SEC24D: variants seen among roughly 807,000 people sequenced by gnomAD.
SEC24D encodes SEC24 homolog D, COPII component.
SEC24D carries 69 observed loss-of-function variants against 116.9 expected under a neutral mutation model. The ratio of observed to expected loss-of-function variants is 0.59; its 90% CI spans 0.49 to 0.72. The LOEUF (loss-of-function observed/expected upper bound fraction) is 0.72. SEC24D is among the 30% of genes least tolerant of loss of function. SEC24D has a pLI of 0.00. For synonymous variants in SEC24D, 405 were observed against 442.8 expected (o/e 0.91, Z 1.07); for missense variants, 1,131 against 1,264.1 (o/e 0.89, Z 1.60).
intron 8 of SEC24D, among the ~76,000 whole-genome samples, chr4:118,795,672 T>C (rs925343354): frequency 6.6e-6 from 1 of 152,256 alleles, no homozygotes; most frequent in Admixed American, 6.5e-5. Flanking sequence ...GAGCATACTT[T>C]ATCATTCTAT....
At chr4:118,749,547 C>T (rs1726721562) in intron 13 of SEC24D, among the ~76,000 whole-genome samples, 1 of 152,164 alleles carries the variant, frequency 6.6e-6, no homozygotes, top group Admixed American at 6.6e-5. Context: ...CATTTCTACT[C>T]CCTGTGCACA....
intron 8 of SEC24D, among the ~76,000 whole-genome samples, chr4:118,792,947 T>G (rs1728998375): frequency 1.3e-5 from 2 of 152,202 alleles, no homozygotes; most frequent in African/African-American, 4.8e-5. Flanking sequence ...AAATTTTGAC[T>G]GTTATTATTC....
chr4:118,788,800 T>A (rs1022406181), intron 8 of SEC24D, among the ~76,000 whole-genome samples: 7 of 152,176 alleles, frequency 4.6e-5, no homozygotes, highest in Non-Finnish European at 8.8e-5. Context: ...CAACTAAGAT[T>A]CACTGTGCTA....
intron 10 of SEC24D, among the ~76,000 whole-genome samples, chr4:118,761,007 G>A (rs192701194): frequency 9.1e-4 from 138 of 152,058 alleles, no homozygotes; most frequent in African/African-American, 3.2e-3. Flanking sequence ...ATGAGCCACC[G>A]CACCTGGCCG....
Position 118,769,178 on chromosome 4 carries a change from T to C in SEC24D, c.1042-867A>G, listed in dbSNP as rs149616224. 6.1e-3 allele frequency among the ~76,000 whole-genome samples: 926 copies of C among 152,298 alleles called. 6 individuals carry two copies. Among genetic ancestry groups the C allele is most frequent in the Non-Finnish European group, 0.01 (684 of 68,020 alleles). The stretch of plus-strand genomic sequence containing the variant: ...CGATTCTACCTTTTCTGTTAGTTTA[T>C]CAGAAAAAAACGTTTCACAGAATAC... On this transcript the variant is annotated intron_variant, in intron 8 of 22. Coordinates refer to ENST00000280551, the MANE Select transcript of SEC24D (RefSeq NM_014822.4).
At chr4:118,782,872 C>T (rs796698033) in intron 8 of SEC24D, among the ~76,000 whole-genome samples, 8 of 152,276 alleles carry the variant, frequency 5.3e-5, no homozygotes, top group African/African-American at 1.2e-4. Context: ...CTGCACTAGC[C>T]GTGAGCAAGA....
chr4:118,774,771 T>C (rs1728058115), intron 8 of SEC24D, among the ~76,000 whole-genome samples: 1 of 152,178 alleles, frequency 6.6e-6, no homozygotes, highest in Non-Finnish European at 1.5e-5. Context: ...AGCTGCCATA[T>C]ACCTTTGCAT....
chr4:118,749,010 A>AT (rs574249202), intron 13 of SEC24D, among the ~76,000 whole-genome samples: 4 of 150,036 alleles, frequency 2.7e-5, no homozygotes, highest in Admixed American at 6.6e-5. Context: ...TTTTCTTCCA[A>AT]TTTTTTTTTC....
At chr4:118,756,968 A>C (rs2110462068) in intron 11 of SEC24D, among the ~76,000 whole-genome samples, 1 of 152,304 alleles carries the variant, frequency 6.6e-6, no homozygotes, top group East Asian at 1.9e-4. Context: ...ATTTTTCAAA[A>C]CAAATCTGGT....
chr4:118,740,101 A>T (rs923276474), intron 17 of SEC24D, among the ~76,000 whole-genome samples: 2 of 152,176 alleles, frequency 1.3e-5, no homozygotes, highest in African/African-American at 4.8e-5. Context: ...TGGTGTCCTT[A>T]TAAGAGGAAA....
chr4:118,820,668 T>C (rs986115327), intron 3 of SEC24D, among the ~76,000 whole-genome samples: 7 of 152,050 alleles, frequency 4.6e-5, no homozygotes, highest in African/African-American at 1.7e-4. Context: ...TCCCTTTTTT[T>C]TTTTCGCTAT....
intron 10 of SEC24D, chr4:118,764,472 C>T (rs1325919480): frequency 6.0e-6 from 1 of 167,602 alleles, no homozygotes. Context: ...TTCTGAGACT[C>T]TTTACAAAAT....
rs373337220 is a variant in SEC24D, at chr4:118,740,673, G to T, written c.2228C>A (p.Ala743Asp). Residue 743 changes from alanine to aspartate, a missense_variant, in exon 17 of 23, where the codon GCC becomes GAC. Coordinates refer to ENST00000280551, the MANE Select transcript of SEC24D (RefSeq NM_014822.4). ...HDDKLSEDSGALIQCAVLYTT... is the reference protein window; with the variant it reads ...HDDKLSEDSGDLIQCAVLYTT... ...TACACTTTCAATCACCTGGATTAAG[G>T]CTCCACTGTCTTCACTGAGTTTGTC... is the stretch of plus-strand genomic sequence containing the variant. 1.2e-6 allele frequency: 2 copies of T among 1,613,668 alleles called. No homozygotes were observed. The highest frequency in any genetic ancestry group is 1.7e-5 in the Admixed American group (1 of 59,980).
At chr4:118,745,306 A>T (rs1726455852) in intron 13 of SEC24D, among the ~76,000 whole-genome samples, 1 of 152,174 alleles carries the variant, frequency 6.6e-6, no homozygotes, top group Non-Finnish European at 1.5e-5. Flanking sequence ...CCAACATTTA[A>T]AGATAGGTCT....
intron 7 of SEC24D, among the ~76,000 whole-genome samples, chr4:118,802,653 G>GC (rs1467621095): frequency 6.6e-6 from 1 of 152,140 alleles, no homozygotes; most frequent in Non-Finnish European, 1.5e-5. Context: ...CTGAGACCCT[G>GC]CCACCTTACT....
At chr4:118,748,179 T>A (rs1017784685) in intron 13 of SEC24D, among the ~76,000 whole-genome samples, 1 of 152,016 alleles carries the variant, frequency 6.6e-6, no homozygotes, top group Non-Finnish European at 1.5e-5. Flanking sequence ...GGCAGGAGCA[T>A]CACTTGAACC....
chr4:118,821,799 G>A (rs1730415818), intron 3 of SEC24D, among the ~76,000 whole-genome samples: 1 of 152,178 alleles, frequency 6.6e-6, no homozygotes, highest in Admixed American at 6.5e-5. Context: ...CCCTTGCATT[G>A]CGCTACATTC....
At chr4:118,764,571 T>C in intron 10 of SEC24D, 1 of 406,670 alleles carries the variant, frequency 2.5e-6, no homozygotes, top group Non-Finnish European at 4.4e-6. Context: ...TTGTTTTCTA[T>C]TTCTGACACC....
chr4:118,811,981 G>C (rs948714477), intron 6 of SEC24D, among the ~76,000 whole-genome samples: 1 of 152,112 alleles, frequency 6.6e-6, no homozygotes, highest in East Asian at 1.9e-4. Flanking sequence ...GTCCATTTTT[G>C]AATCTGAGGC....
Sources: allele counts gnomAD v4.1 joint callset (sites outside exome capture counted in the v4.1 genomes callset), GRCh38; gene constraint gnomAD v4.1.1; transcripts MANE v1.5; gene names NCBI Gene and HGNC (gene_info 2026-07-23, HGNC 2026-07-21).